The following PACRG variants were observed in gnomAD, a reference collection of about 807,000 sequenced individuals.
The protein encoded by PACRG is parkin coregulated, also known as parkin coregulated gene protein.
PACRG carries 29 observed loss-of-function variants against 29.7 expected under a neutral mutation model. That is an observed-to-expected ratio of 0.98 (90% CI 0.73 to 1.33). The LOEUF is 1.33. Ranked by LOEUF, PACRG falls within the 40% of genes most tolerant of loss-of-function variation. The pLI is 0.00. For missense variants in PACRG, 279 were observed against 316.2 expected (o/e 0.88, Z 0.89); for synonymous variants, 116 against 118.7 (o/e 0.98, Z 0.15).
chr6:162,748,051 T>C (rs1781220902), intron 1 of PACRG, among the ~76,000 whole-genome samples: 2 of 152,300 alleles, frequency 1.3e-5, no homozygotes, highest in Admixed American at 1.3e-4. Context: ...ATTCAACCTA[T>C]TAATTTTACT....
At chr6:163,134,467 A>G (rs967280169) in intron 4 of PACRG, among the ~76,000 whole-genome samples, 1 of 152,138 alleles carries the variant, frequency 6.6e-6, no homozygotes, top group East Asian at 1.9e-4. Context: ...GCCTCAAGCA[A>G]CTTCATGTTC....
At chr6:163,019,703 A>G (rs1806434829) in intron 2 of PACRG, among the ~76,000 whole-genome samples, 1 of 152,166 alleles carries the variant, frequency 6.6e-6, no homozygotes, top group South Asian at 2.1e-4. Flanking sequence ...CCATTGCCTT[A>G]TATTTTAAGG....
Position 163,289,241 on chromosome 6 carries a change from G to A in PACRG, c.614-25586G>A, listed in dbSNP as rs796756222. On this transcript the variant is annotated intron_variant, in intron 4 of 4. Transcript: ENST00000366888. ...CGCTGGTGTGCAGAGTATTTGCTGC[G>A]GCTTTGATCTCATTGTTTTAGTTTA... Among the ~76,000 whole-genome samples the A allele has an allele frequency of 1.1e-4, 16 of 152,276 alleles. No individual in the cohort carries two copies. The South Asian group carries it at 1.2e-3, about 12-fold the overall frequency.
intron 2 of PACRG, among the ~76,000 whole-genome samples, chr6:162,902,927 A>G (rs1795659327): frequency 6.6e-6 from 1 of 152,198 alleles, no homozygotes; most frequent in Admixed American, 6.5e-5. Context: ...AAGATAATAT[A>G]TTTATCATCT....
chr6:162,762,594 A>T (rs1782461930), intron 1 of PACRG, among the ~76,000 whole-genome samples: 1 of 152,166 alleles, frequency 6.6e-6, no homozygotes, highest in Admixed American at 6.5e-5. Flanking sequence ...TTAGAAAACG[A>T]TGTCTATTTT....
intron 2 of PACRG, among the ~76,000 whole-genome samples, chr6:163,042,156 G>A (rs576313844): frequency 1.1e-4 from 17 of 152,206 alleles, no homozygotes; most frequent in South Asian, 4.2e-4. Flanking sequence ...TGAGCCATGC[G>A]CCTGGCCACA....
chr6:162,966,043 T>C (rs565230264), intron 2 of PACRG, among the ~76,000 whole-genome samples: 3 of 152,346 alleles, frequency 2.0e-5, no homozygotes, highest in African/African-American at 7.2e-5. Context: ...GATGTAGGTT[T>C]GGAGATTTGT....
chr6:163,028,870 G>A (rs1807393675), intron 2 of PACRG, among the ~76,000 whole-genome samples: 1 of 152,138 alleles, frequency 6.6e-6, no homozygotes, highest in African/African-American at 2.4e-5. Flanking sequence ...ACCCCCAACT[G>A]GGGAGGGCAG....
intron 4 of PACRG, among the ~76,000 whole-genome samples, chr6:163,248,422 T>C (rs1402947420): frequency 7.1e-6 from 1 of 141,380 alleles, no homozygotes; most frequent in Non-Finnish European, 1.5e-5. Flanking sequence ...GGGGAGTGCA[T>C]ATTTTATGCA....
chr6:163,000,108 G>T (rs1804445838), intron 2 of PACRG, among the ~76,000 whole-genome samples: 2 of 152,144 alleles, frequency 1.3e-5, no homozygotes, highest in South Asian at 4.1e-4. Flanking sequence ...CTTGTCCTGG[G>T]TTACACATCC....
chr6:162,832,440 G>A (rs1330968247), intron 2 of PACRG, among the ~76,000 whole-genome samples: 1 of 152,038 alleles, frequency 6.6e-6, no homozygotes, highest in Non-Finnish European at 1.5e-5. Flanking sequence ...GCTCCAATCT[G>A]TGTGGGCTGG....
At chr6:163,247,975 C>T (rs111681972) in intron 4 of PACRG, among the ~76,000 whole-genome samples, 9 of 152,238 alleles carry the variant, frequency 5.9e-5, no homozygotes, top group East Asian at 3.9e-4. Context: ...TGCATGTTGA[C>T]GAAGTATATA....
chr6:163,042,212 G>A (rs1247424352), intron 2 of PACRG, among the ~76,000 whole-genome samples: 7 of 152,204 alleles, frequency 4.6e-5, no homozygotes, highest in Admixed American at 1.3e-4. Flanking sequence ...CTATGTAAGT[G>A]GCCATGGAAG....
intron 2 of PACRG, among the ~76,000 whole-genome samples, chr6:162,954,822 G>C (rs1254788255): frequency 6.6e-6 from 1 of 152,054 alleles, no homozygotes; most frequent in African/African-American, 2.4e-5. Context: ...TCTGTACATT[G>C]GTTCATATAG....
intron 4 of PACRG, among the ~76,000 whole-genome samples, chr6:163,191,266 G>C (rs141543872): frequency 6.6e-6 from 1 of 151,728 alleles, no homozygotes; most frequent in South Asian, 2.1e-4. Context: ...ATCCCTTCCC[G>C]CCACCCCCCA....
intron 2 of PACRG, among the ~76,000 whole-genome samples, chr6:162,999,753 G>A (rs2128196224): frequency 6.6e-6 from 1 of 152,268 alleles, no homozygotes; most frequent in South Asian, 2.1e-4. Context: ...ATTTTCTTGT[G>A]AGTTTTACTT....
intron 4 of PACRG, among the ~76,000 whole-genome samples, chr6:163,130,948 AAG>A (rs1816708814): frequency 7.2e-5 from 11 of 152,186 alleles, no homozygotes; most frequent in Admixed American, 1.3e-4. Flanking sequence ...GTAATTAGTT[AAG>A]ATAAGGTCCT....
At chr6:162,754,772 G>T (rs946893268) in intron 1 of PACRG, among the ~76,000 whole-genome samples, 1 of 152,066 alleles carries the variant, frequency 6.6e-6, no homozygotes, top group Admixed American at 6.6e-5. Flanking sequence ...AAATCAGTTC[G>T]CCATAAATGC....
Position 162,773,494 on chromosome 6 carries a change from A to ATTTTTTTT in PACRG, c.157-40629_157-40622dup, listed in dbSNP as rs71008110. 6.4e-4 allele frequency among the ~76,000 whole-genome samples: 42 copies of ATTTTTTTT among 66,026 alleles called. 2 individuals carry two copies. Among genetic ancestry groups the ATTTTTTTT allele is most frequent in the East Asian group, 4.4e-3 (7 of 1,596 alleles). 43.3% of individuals were successfully genotyped at this position (66,026 alleles called of 152,430 possible). On this transcript the variant is annotated intron_variant, in intron 1 of 4. Coordinates refer to ENST00000366888, the MANE Select transcript of PACRG (RefSeq NM_001080379.2). ...ATATTTGGTATTTTTACAGCTTGTC[A>ATTTTTTTT]TTTTTTTTTTTTTTTTTTTTTTTTT...
Sources: allele counts gnomAD v4.1 joint callset (sites outside exome capture counted in the v4.1 genomes callset), GRCh38; gene constraint gnomAD v4.1.1; transcripts MANE v1.5; gene names NCBI Gene and HGNC (gene_info 2026-07-23, HGNC 2026-07-21).